The following TBC1D14 variants were observed in gnomAD, a reference collection of about 807,000 sequenced individuals.
TBC1D14 encodes TBC1 domain family, member 14.
TBC1D14 carries 26 observed loss-of-function variants against 79.0 expected under a neutral mutation model. The ratio of observed to expected loss-of-function variants is 0.33; its 90% confidence interval spans 0.24 to 0.46. TBC1D14 has a LOEUF of 0.46. Among genes scored for constraint, TBC1D14 ranks in the 20% least tolerant of loss-of-function variants. The probability of loss-of-function intolerance (pLI) is 1.00; values close to 1 mark genes in which losing one functional copy is unlikely to be tolerated. For missense variants in TBC1D14, 769 were observed against 887.6 expected (o/e 0.87, Z 1.70); for synonymous variants, 394 against 349.9 (o/e 1.13, Z -1.40).
At chr4:6,944,017 G>A (rs1280499558) in intron 2 of TBC1D14, among the ~76,000 whole-genome samples, 1 of 117,976 alleles carries the variant, frequency 8.5e-6, no homozygotes, top group Non-Finnish European at 1.8e-5. Context: ...TGTGAAGCCG[G>A]CGCGTTCTGC....
chr4:6,956,855 C>T (rs57454756), intron 2 of TBC1D14, among the ~76,000 whole-genome samples: 13,330 of 152,272 alleles, frequency 0.088, 678 homozygotes, highest in African/African-American at 0.14. Flanking sequence ...CCAAGAGAGC[C>T]GCGGTTCCTC....
chr4:6,923,836 C>T lies in TBC1D14; in HGVS notation c.447C>T (p.Thr149=), dbSNP rs1334494269. The stretch of plus-strand genomic sequence containing the variant: ...ATAGCCCGACCTCCAAAGCCCTGAC[C>T]CGCAGCGATGATGTCTCCGTCTGCA... ...KLYSPTSKAL[T]RSDDVSVCSV... The change falls in exon 2 of 14, where the codon ACC becomes ACT. Residue 149 remains threonine, a synonymous_variant. Coordinates refer to ENST00000409757, the MANE Select transcript of TBC1D14 (RefSeq NM_020773.3). The T allele has an allele frequency of 3.1e-6, 5 of 1,614,066 alleles. No homozygotes were observed. In the African/African-American group the frequency reaches 5.3e-5, roughly 17 times the overall value.
intron 4 of TBC1D14, 44 bp from the exon 5 acceptor site, chr4:6,996,281 A>G (rs754960786): frequency 2.7e-6 from 4 of 1,499,600 alleles, no homozygotes; most frequent in Non-Finnish European, 2.8e-6. Flanking sequence ...AAAGACTTCT[A>G]TGCGGTATTT....
Position 6,947,126 on chromosome 4 carries a change from C to T in TBC1D14, c.723-20178C>T, listed in dbSNP as rs534091454. Among the ~76,000 whole-genome samples the T allele has an allele frequency of 2.8e-4, 42 of 152,054 alleles. No homozygotes were observed. The South Asian group carries it at 4.6e-3, about 17-fold the overall frequency. On this transcript the variant is annotated intron_variant, in intron 2 of 13. Transcript: ENST00000409757. The stretch of plus-strand genomic sequence containing the variant: ...CTGTAATCCCAGCACTTTGGGAGGC[C>T]GAGGCGGGCGGATCACTTGAGTTCA...
chr4:6,964,356 C>G (rs1715514027), intron 2 of TBC1D14, among the ~76,000 whole-genome samples: 1 of 152,196 alleles, frequency 6.6e-6, no homozygotes, highest in Non-Finnish European at 1.5e-5. Context: ...CTTACACCCT[C>G]TGCAGCTCCT....
intron 12 of TBC1D14, among the ~76,000 whole-genome samples, chr4:7,023,350 G>C (rs936783468): frequency 6.6e-6 from 1 of 152,222 alleles, no homozygotes; most frequent in East Asian, 1.9e-4. Flanking sequence ...GGGAGAGTCT[G>C]ATTTCCATGT....
intron 1 of TBC1D14, among the ~76,000 whole-genome samples, chr4:6,920,363 C>T (rs1444924574): frequency 6.6e-6 from 1 of 151,930 alleles, no homozygotes; most frequent in African/African-American, 2.4e-5. Flanking sequence ...AGTCCTTGAA[C>T]TCCTGGGCTC....
At chr4:6,969,515 C>T (rs1209910890) in intron 3 of TBC1D14, among the ~76,000 whole-genome samples, 7 of 152,198 alleles carry the variant, frequency 4.6e-5, no homozygotes, top group African/African-American at 1.7e-4. Context: ...ATGTCATTCT[C>T]CTGCCTCAGC....
At chr4:6,988,260 C>T (rs1433688055) in intron 3 of TBC1D14, among the ~76,000 whole-genome samples, 4 of 152,258 alleles carry the variant, frequency 2.6e-5, no homozygotes, top group Non-Finnish European at 5.9e-5. Flanking sequence ...CCACAAGCAA[C>T]CCTCTTAGAG....
chr4:7,010,357 T>C (rs1720628137), intron 10 of TBC1D14, among the ~76,000 whole-genome samples: 1 of 151,944 alleles, frequency 6.6e-6, no homozygotes, highest in South Asian at 2.1e-4. Context: ...ACCGGGACAC[T>C]GGACATAGGA....
chr4:6,988,221 T>TG (rs1718083863), intron 3 of TBC1D14, among the ~76,000 whole-genome samples: 1 of 152,266 alleles, frequency 6.6e-6, no homozygotes, highest in Non-Finnish European at 1.5e-5. Flanking sequence ...GCCGCGGTGT[T>TG]GCGGACACTT....
At chr4:6,930,518 C>T (rs534167650) in intron 2 of TBC1D14, among the ~76,000 whole-genome samples, 2 of 152,296 alleles carry the variant, frequency 1.3e-5, no homozygotes, top group East Asian at 1.9e-4. Context: ...TATGAGGGGG[C>T]CAGGCGCAGT....
intron 1 of TBC1D14, among the ~76,000 whole-genome samples, chr4:6,918,485 G>A (rs1364754171): frequency 6.6e-6 from 1 of 152,220 alleles, no homozygotes; most frequent in East Asian, 1.9e-4. Flanking sequence ...CAGGGGCTGG[G>A]TTTGCCAATG....
At chr4:6,990,642 A>C (rs938130063) in intron 3 of TBC1D14, among the ~76,000 whole-genome samples, 3 of 152,160 alleles carry the variant, frequency 2.0e-5, no homozygotes, top group Admixed American at 2.0e-4. Context: ...AGTTGGACTG[A>C]AGTGGACCGC....
chr4:7,004,145 T>TTGAAAGAAGAATGGGGCAC (rs1360176227), intron 7 of TBC1D14, among the ~76,000 whole-genome samples: 3 of 152,240 alleles, frequency 2.0e-5, no homozygotes, highest in Non-Finnish European at 4.4e-5. Context: ...CGGATATACC[T>TTGAAAGAAGAATGGGGCAC]GTGGAGGTCT....
chr4:6,976,885 G>C (rs1716757202), intron 3 of TBC1D14, among the ~76,000 whole-genome samples: 1 of 151,962 alleles, frequency 6.6e-6, no homozygotes, highest in African/African-American at 2.4e-5. Flanking sequence ...TGCAAAGTTG[G>C]TGACTTAAAA....
intron 1 of TBC1D14, among the ~76,000 whole-genome samples, chr4:6,919,118 C>A (rs145682674): frequency 0.021 from 3,179 of 151,400 alleles, 57 homozygotes; most frequent in Middle Eastern, 0.076. Flanking sequence ...GTTGGAGAAA[C>A]ATTTTATTTT....
At chr4:6,934,211 T>C (rs939372807) in intron 2 of TBC1D14, among the ~76,000 whole-genome samples, 9 of 150,540 alleles carry the variant, frequency 6.0e-5, no homozygotes, top group African/African-American at 2.2e-4. Flanking sequence ...GACCAAGGAG[T>C]GAGCCTGAGG....
chr4:7,014,385 C>G, intron 11 of TBC1D14, 63 bp from the exon 12 acceptor site: 1 of 1,134,976 alleles, frequency 8.8e-7, no homozygotes, highest in Non-Finnish European at 1.3e-6. Context: ...CATATATTGA[C>G]TTTTTTGTAA....
Sources: gnomAD v4.1 joint callset for allele counts (sites outside exome capture counted in the v4.1 genomes callset) on GRCh38, gnomAD v4.1.1 for gene constraint, MANE v1.5 for transcripts, NCBI Gene and HGNC (gene_info 2026-07-23, HGNC 2026-07-21) for gene names.